The following APPL1 variants were observed in gnomAD, a reference collection of about 807,000 sequenced individuals.
APPL1 encodes DCC-interacting protein 13-alpha.
APPL1 carries 42 observed loss-of-function variants against 106.8 expected under a neutral mutation model. That is an observed-to-expected ratio of 0.39 (90% CI 0.31 to 0.51). The LOEUF is 0.51. Ranked by LOEUF, APPL1 falls within the 20% of genes least tolerant of loss-of-function variation. The pLI is 0.75. For synonymous variants in APPL1, 263 were observed against 281.8 expected (o/e 0.93, Z 0.67); for missense variants, 769 against 858.2 (o/e 0.90, Z 1.30).
At chr3:57,268,666 A>T in intron 21 of APPL1, 179 bp downstream of exon 21, 1 of 518,682 alleles carries the variant, frequency 1.9e-6, no homozygotes, top group South Asian at 5.9e-5. Context: ...TATGATGTTT[A>T]CATTATAGTT....
At chr3:57,243,092 A>G (rs1399197033) in intron 7 of APPL1, among the ~76,000 whole-genome samples, 178 bp downstream of exon 7, 1 of 152,222 alleles carries the variant, frequency 6.6e-6, no homozygotes, top group Non-Finnish European at 1.5e-5. Flanking sequence ...TCTTTAAACA[A>G]AATATTTTCT....
intron 13 of APPL1, 124 bp downstream of exon 13, chr3:57,253,862 CTTTTTTT>C: frequency 7.9e-6 from 3 of 380,598 alleles, no homozygotes; most frequent in African/African-American, 2.4e-5. Flanking sequence ...GAATGAGTAG[CTTTTTTT>C]TTTTTTTTTT....
At position 57,271,736 on chromosome 3, in the gene APPL1, G is replaced by A. The variant is rs2060941510; in HGVS notation, c.*2049G>A. The A allele has an allele frequency of 6.6e-6, 1 of 152,208 alleles. No homozygotes were observed. Among genetic ancestry groups the A allele is most frequent in the Admixed American group, 6.5e-5 (1 of 15,284 alleles). 9.4% of individuals were successfully genotyped at this position (152,208 alleles called of 1,614,324 possible). A position where few individuals can be genotyped will look rare whatever the true frequency, so the allele number is the denominator to read the frequency against. ...GAGTTAAGGCACTGGCAGACTTAGGGATGCTGGACAGACCTGTAGTTCGTT... is the reference window on the plus strand; with the variant it reads ...GAGTTAAGGCACTGGCAGACTTAGGAATGCTGGACAGACCTGTAGTTCGTT... On this transcript the variant is annotated 3_prime_UTR_variant, in exon 22 of 22. Transcript: ENST00000288266.
chr3:57,230,975 G>A (rs1457322561), intron 1 of APPL1, among the ~76,000 whole-genome samples: 2 of 151,900 alleles, frequency 1.3e-5, no homozygotes, highest in African/African-American at 4.8e-5. Flanking sequence ...TTGGCTCACT[G>A]CAACCTCCAC....
At chr3:57,250,397 C>T (rs1364376421) in intron 11 of APPL1, among the ~76,000 whole-genome samples, 2 of 152,188 alleles carry the variant, frequency 1.3e-5, no homozygotes, top group East Asian at 3.9e-4. Flanking sequence ...GCTTTAGCCT[C>T]CCAAAGTGCT....
At chr3:57,269,458 C>T in intron 21 of APPL1, 83 bp from the exon 22 acceptor site, 1 of 1,321,078 alleles carries the variant, frequency 7.6e-7, no homozygotes, top group Non-Finnish European at 1.0e-6. Flanking sequence ...GAAGAAGTGG[C>T]TCTCAAGAAT....
chr3:57,257,263 C>G lies in APPL1; in HGVS notation c.1265C>G (p.Thr422Arg), dbSNP rs769693156. The G allele has an allele frequency of 6.2e-7, 1 of 1,612,914 alleles. No individual in the cohort carries two copies. Among genetic ancestry groups the G allele is most frequent in the Non-Finnish European group, 8.5e-7 (1 of 1,179,652 alleles). ...ATGCTTAGACAATCTCGGCCACCGA[C>G]AGCTCGAACCAGCAGTTCAGGATCC... ...RPAAGQSRPP[T>R]ARTSSSGSLG... The change falls in exon 15 of 22, where the codon ACA (threonine) becomes AGA (arginine). Residue 422 changes from threonine to arginine, a missense_variant. Transcript: ENST00000288266.
chr3:57,237,465 A>T, intron 2 of APPL1, 27 bp from the exon 3 acceptor site: 3 of 1,566,694 alleles, frequency 1.9e-6, no homozygotes, highest in Non-Finnish European at 2.6e-6. Context: ...TCCCAGTAAT[A>T]TGCTAATTTG....
intron 1 of APPL1, among the ~76,000 whole-genome samples, chr3:57,232,520 C>T (rs75237671): frequency 4.9e-4 from 75 of 152,178 alleles, no homozygotes; most frequent in African/African-American, 1.5e-3. Context: ...GGTTGTTGTC[C>T]GAAAACCTTC....
chr3:57,253,741 A>T lies in APPL1; in HGVS notation c.1152+3A>T, dbSNP rs1418500439. ...TATACTTAAGTGAAAATCCAGAGGT[A>T]ATATTTTTATTTTATGTTACCCAGA... On this transcript the variant is annotated splice_donor_region_variant and intron_variant, in intron 13 of 21. Coordinates refer to ENST00000288266, the MANE Select transcript of APPL1 (RefSeq NM_012096.3). The T allele has an allele frequency of 7.0e-7, 1 of 1,423,088 alleles. No individual in the cohort carries two copies. The highest frequency in any genetic ancestry group is 9.3e-7 in the Non-Finnish European group (1 of 1,077,964). 88.2% of individuals were successfully genotyped at this position (1,423,088 alleles called of 1,614,324 possible).
chr3:57,251,802 C>G (rs945631081), intron 11 of APPL1, among the ~76,000 whole-genome samples: 1 of 151,886 alleles, frequency 6.6e-6, no homozygotes, highest in Non-Finnish European at 1.5e-5. Context: ...TTCTCAAACT[C>G]TAATATCTAT....
chr3:57,227,825 C>T lies in APPL1; in HGVS notation c.-59C>T, dbSNP rs912768161. On this transcript the variant is annotated 5_prime_UTR_variant, in exon 1 of 22. Coordinates refer to ENST00000288266, the MANE Select transcript of APPL1 (RefSeq NM_012096.3). Reference sequence around the variant, plus strand: ...CCGGGGTCAGCTGCGGCGGGCGGGCCGGCGCGGGGAGCTGTGGGCGGCAGC... The same window carrying T: ...CCGGGGTCAGCTGCGGCGGGCGGGCTGGCGCGGGGAGCTGTGGGCGGCAGC... 6 of 1,384,754 alleles carry T rather than the reference C, an allele frequency of 4.3e-6. No individual in the cohort carries two copies. The highest frequency in any genetic ancestry group is 4.8e-6 in the Non-Finnish European group (5 of 1,052,612). 85.8% of individuals were successfully genotyped at this position (1,384,754 alleles called of 1,614,324 possible).
At chr3:57,252,165 G>A (rs1579393443) in intron 11 of APPL1, 104 bp from the exon 12 acceptor site, 4 of 919,078 alleles carry the variant, frequency 4.4e-6, no homozygotes, top group Non-Finnish European at 5.0e-6. Flanking sequence ...TTTTAATATC[G>A]ATTTTTATAT....
chr3:57,269,351 T>G, intron 21 of APPL1, 190 bp from the exon 22 acceptor site: 1 of 510,936 alleles, frequency 2.0e-6, no homozygotes, highest in Non-Finnish European at 3.4e-6. Context: ...TGCTGGCTTT[T>G]ATAGGATGGT....
Position 57,253,757 on chromosome 3 carries a change from G to T in APPL1, c.1152+19G>T. On this transcript the variant is annotated intron_variant, in intron 13 of 21. Transcript: ENST00000288266. ...TCCAGAGGTAATATTTTTATTTTATGTTACCCAGATCTAGCAAAATTGAGT... is the reference window on the plus strand; with the variant it reads ...TCCAGAGGTAATATTTTTATTTTATTTTACCCAGATCTAGCAAAATTGAGT... 7.3e-7 allele frequency: 1 copy of T among 1,378,352 alleles called. No homozygotes were observed. The highest frequency in any genetic ancestry group is 9.5e-7 in the Non-Finnish European group (1 of 1,053,400). 85.4% of individuals were successfully genotyped at this position (1,378,352 alleles called of 1,614,324 possible). A position where few individuals can be genotyped will look rare whatever the true frequency, so the allele number is the denominator to read the frequency against.
In APPL1 at chr3:57,273,337, ATG is replaced by A. The variant is rs2060959752; in HGVS notation, c.*3653_*3654del. The A allele has an allele frequency of 6.6e-6, 1 of 152,646 alleles. No homozygotes were observed. The highest frequency in any genetic ancestry group is 1.5e-5 in the Non-Finnish European group (1 of 68,022). The allele number at this position is 152,646 out of a possible 1,614,324, so 9.5% of individuals were successfully genotyped here. On this transcript the variant is annotated 3_prime_UTR_variant, in exon 22 of 22. Coordinates refer to ENST00000288266, the MANE Select transcript of APPL1 (RefSeq NM_012096.3). ...TTATGTGATCATGGTATTGGTATAC[ATG>A]TGGGGTGGAGAACTTATTTTTTCAT...
chr3:57,229,684 G>A (rs984064885), intron 1 of APPL1, among the ~76,000 whole-genome samples: 6 of 143,590 alleles, frequency 4.2e-5, no homozygotes, highest in African/African-American at 1.6e-4. Flanking sequence ...ATACAGGCGT[G>A]TGCCACTGTG....
intron 4 of APPL1, among the ~76,000 whole-genome samples, chr3:57,239,566 G>T (rs2060734620): frequency 6.6e-6 from 1 of 151,924 alleles, no homozygotes; most frequent in Admixed American, 6.6e-5. Context: ...TCTAGTCATT[G>T]TTTATTTGTG....
At chr3:57,241,427 G>A (rs2060745839) in intron 5 of APPL1, among the ~76,000 whole-genome samples, 1 of 152,094 alleles carries the variant, frequency 6.6e-6, no homozygotes, top group Non-Finnish European at 1.5e-5. Context: ...CCCATAACTT[G>A]TAATCTCAGC....
Sources: allele counts gnomAD v4.1 joint callset (sites outside exome capture counted in the v4.1 genomes callset), GRCh38; gene constraint gnomAD v4.1.1; transcripts MANE v1.5; gene names NCBI Gene and HGNC (gene_info 2026-07-23, HGNC 2026-07-21).